The following GABBR2 variants were observed in gnomAD, a reference collection of about 807,000 sequenced individuals.
GABBR2 encodes the protein G-protein coupled receptor 51.
Under a neutral mutation model 105.6 loss-of-function variants are expected in GABBR2, and 23 were observed. That is an observed-to-expected ratio of 0.22 (90% CI 0.16 to 0.31). GABBR2 has a LOEUF of 0.31. Ranked by LOEUF, GABBR2 falls within the 10% of genes least tolerant of loss-of-function variation. GABBR2 has a pLI of 1.00. For missense variants in GABBR2, 734 were observed against 1,245.5 expected (o/e 0.59, Z 6.18); for synonymous variants, 478 against 499.7 (o/e 0.96, Z 0.58).
At chr9:98,688,081 G>A (rs1830642040) in intron 1 of GABBR2, among the ~76,000 whole-genome samples, 2 of 152,084 alleles carry the variant, frequency 1.3e-5, no homozygotes, top group Non-Finnish European at 2.9e-5. Flanking sequence ...GCCCTCCAGA[G>A]ATCATAATGA....
intron 2 of GABBR2, among the ~76,000 whole-genome samples, chr9:98,576,500 C>T (rs945949564): frequency 2.6e-5 from 4 of 152,152 alleles, no homozygotes; most frequent in Admixed American, 6.5e-5. Flanking sequence ...CTTCTGTCAT[C>T]GCCAAGTTTC....
At position 98,454,735 on chromosome 9, in the gene GABBR2, A is replaced by G. The variant is rs1826295131; in HGVS notation, c.1000-518T>C. On this transcript the variant is annotated intron_variant, in intron 6 of 18. Transcript: ENST00000259455. This position sits in a 1 kb window ranked among gnomAD's most constrained non-coding sequence, Gnocchi z 4.6. ...CTCTGAGTTTCAGCAGCACAGAGGGAGCTGACAGTGTGCTGCTCAGCCCAC... is the reference window on the plus strand; with the variant it reads ...CTCTGAGTTTCAGCAGCACAGAGGGGGCTGACAGTGTGCTGCTCAGCCCAC... 6.6e-6 allele frequency among the ~76,000 whole-genome samples: 1 copy of G among 152,128 alleles called. No homozygotes were observed. Among genetic ancestry groups the G allele is most frequent in the African/African-American group, 2.4e-5 (1 of 41,422 alleles).
At chr9:98,324,493 G>GACAC (rs3983548) in intron 13 of GABBR2, among the ~76,000 whole-genome samples, 5,254 of 143,244 alleles carry the variant, frequency 0.037, 123 homozygotes, top group South Asian at 0.05. Flanking sequence ...CTACAGAGCC[G>GACAC]ACACACACAC....
At chr9:98,634,847 C>T (rs527944983) in intron 1 of GABBR2, among the ~76,000 whole-genome samples, 2 of 152,258 alleles carry the variant, frequency 1.3e-5, no homozygotes, top group African/African-American at 4.8e-5. Flanking sequence ...GCCTCTCCCC[C>T]TCTGTCACGC....
intron 7 of GABBR2, among the ~76,000 whole-genome samples, chr9:98,412,341 T>G (rs78246129): frequency 3.3e-5 from 5 of 152,378 alleles, no homozygotes; most frequent in Non-Finnish European, 7.3e-5. Context: ...GGAAGGATTT[T>G]CTTCCTAAAT....
chr9:98,590,839 G>A (rs1010208815), intron 1 of GABBR2, among the ~76,000 whole-genome samples: 7 of 152,232 alleles, frequency 4.6e-5, no homozygotes, highest in Non-Finnish European at 8.8e-5. Context: ...TTATAATGTG[G>A]AGTGGGTGAG....
intron 1 of GABBR2, among the ~76,000 whole-genome samples, chr9:98,587,670 T>A (rs1189053267): frequency 2.6e-5 from 4 of 152,224 alleles, no homozygotes; most frequent in Admixed American, 1.3e-4. Context: ...GTTAATTTCC[T>A]CTTCTTCCAT....
chr9:98,340,321 T>G (rs1174140294), intron 13 of GABBR2, among the ~76,000 whole-genome samples: 1 of 151,978 alleles, frequency 6.6e-6, no homozygotes. Context: ...AAGTCCAGTG[T>G]CTCAGCACAG....
At chr9:98,516,927 C>T (rs933283277) in intron 3 of GABBR2, among the ~76,000 whole-genome samples, 1 of 152,218 alleles carries the variant, frequency 6.6e-6, no homozygotes, top group Admixed American at 6.5e-5. Context: ...GGAGGGAGGC[C>T]AGCAATCTGT....
intron 3 of GABBR2, among the ~76,000 whole-genome samples, chr9:98,519,583 A>G (rs997145656): frequency 5.3e-5 from 8 of 152,260 alleles, no homozygotes; most frequent in African/African-American, 1.9e-4. Flanking sequence ...TGGGTAAATA[A>G]AATGAGATTC....
intron 17 of GABBR2, among the ~76,000 whole-genome samples, chr9:98,297,003 G>C (rs928544903): frequency 3.5e-4 from 53 of 151,972 alleles, no homozygotes; most frequent in African/African-American, 1.3e-3. Flanking sequence ...GTTTCTTCTA[G>C]TACTTTCATG....
chr9:98,564,082 ATG>A (rs1828717213), intron 2 of GABBR2, among the ~76,000 whole-genome samples: 1 of 152,156 alleles, frequency 6.6e-6, no homozygotes, highest in African/African-American at 2.4e-5. Flanking sequence ...CTATGTATGC[ATG>A]TGTGTGTGCA....
chr9:98,533,624 C>T (rs763277309), intron 3 of GABBR2, among the ~76,000 whole-genome samples: 33 of 152,310 alleles, frequency 2.2e-4, no homozygotes, highest in African/African-American at 7.7e-4. Flanking sequence ...TTCATCATCT[C>T]ATCTCATCCC....
chr9:98,622,662 G>A (rs948315188), intron 1 of GABBR2, among the ~76,000 whole-genome samples: 1 of 152,158 alleles, frequency 6.6e-6, no homozygotes, highest in Non-Finnish European at 1.5e-5. Context: ...GTCTCGCTTG[G>A]AGTCAAAGCC....
Position 98,496,619 on chromosome 9 carries a change from T to C in GABBR2, c.631-105A>G, listed in dbSNP as rs952714493. ...GTCAATTGGGCAAAGCGATTTTCTCTACCGACAATGCAAAGTGAGTGGTTT... is the reference window on the plus strand; with the variant it reads ...GTCAATTGGGCAAAGCGATTTTCTCCACCGACAATGCAAAGTGAGTGGTTT... On this transcript the variant is annotated intron_variant, in intron 3 of 18. Transcript: ENST00000259455. The C allele has an allele frequency of 4.0e-6, 3 of 748,596 alleles. No homozygotes were observed. The African/African-American group carries it at 5.2e-5, about 13-fold the overall frequency. 46.4% of individuals were successfully genotyped at this position (748,596 alleles called of 1,614,324 possible). A position where few individuals can be genotyped will look rare whatever the true frequency, so the allele number is the denominator to read the frequency against.
At chr9:98,412,404 G>A (rs182937833) in intron 7 of GABBR2, among the ~76,000 whole-genome samples, 6 of 152,338 alleles carry the variant, frequency 3.9e-5, no homozygotes, top group Non-Finnish European at 7.3e-5. Context: ...CCTTTGGGAG[G>A]TGTGAGCATG....
chr9:98,655,667 T>C (rs958908962), intron 1 of GABBR2, among the ~76,000 whole-genome samples: 1 of 152,132 alleles, frequency 6.6e-6, no homozygotes, highest in African/African-American at 2.4e-5. Context: ...TAAAAAAGGA[T>C]GAGTTCATGT....
intron 1 of GABBR2, among the ~76,000 whole-genome samples, chr9:98,704,282 C>T (rs377360463): frequency 1.6e-4 from 24 of 152,316 alleles, no homozygotes; most frequent in African/African-American, 5.5e-4. Context: ...AGAAAAAAGA[C>T]ATGCTCAACA....
intron 4 of GABBR2, among the ~76,000 whole-genome samples, chr9:98,485,683 C>A (rs1166212962): frequency 6.6e-6 from 1 of 152,246 alleles, no homozygotes. Context: ...CAGCCCCACC[C>A]TGGGAGGTGG....
Sources: allele counts gnomAD v4.1 joint callset (sites outside exome capture counted in the v4.1 genomes callset), GRCh38; gene constraint gnomAD v4.1.1; non-coding constraint Gnocchi (gnomAD v3.1); transcripts MANE v1.5; gene names NCBI Gene and HGNC (gene_info 2026-07-23, HGNC 2026-07-21).